Variants in GRID1 observed in about 807,000 individuals in gnomAD.
GRID1 encodes the protein glutamate ionotropic receptor delta type subunit 1, also known as glutamate receptor ionotropic, delta-1.
GRID1 carries 28 observed loss-of-function variants against 98.0 expected under a neutral mutation model. That is an observed-to-expected ratio of 0.29 (90% CI 0.21 to 0.39). The LOEUF is 0.39. GRID1 is among the 10% of genes least tolerant of loss of function. GRID1 has a pLI of 1.00. For synonymous variants in GRID1, 553 were observed against 538.5 expected (o/e 1.03, Z -0.37); for missense variants, 1,111 against 1,340.5 (o/e 0.83, Z 2.67).
At chr10:86,037,049 G>T (rs1380199316) in intron 4 of GRID1, among the ~76,000 whole-genome samples, 1 of 152,184 alleles carries the variant, frequency 6.6e-6, no homozygotes, top group Non-Finnish European at 1.5e-5. Context: ...TGTTATTCAA[G>T]GTACTTATGC....
intron 12 of GRID1, among the ~76,000 whole-genome samples, chr10:85,694,589 T>TATATATATATATAG (rs1564562152): frequency 2.3e-5 from 2 of 87,162 alleles, no homozygotes; most frequent in African/African-American, 1.2e-4. Context: ...TATATATATA[T>TATATATATATATAG]ATATATATAT....
intron 10 of GRID1, 72 bp from the exon 11 acceptor site, chr10:85,724,748 C>A: frequency 4.8e-6 from 6 of 1,252,012 alleles, no homozygotes; most frequent in South Asian, 1.4e-5. Context: ...GGGTCAAGGT[C>A]CACCCTCTGT....
chr10:86,141,232 C>T (rs958028209), intron 3 of GRID1, among the ~76,000 whole-genome samples: 1 of 152,164 alleles, frequency 6.6e-6, no homozygotes, highest in South Asian at 2.1e-4. Context: ...CACACAAGCC[C>T]CAGGCTGTCA....
chr10:86,278,886 A>G (rs1041836305), intron 2 of GRID1, among the ~76,000 whole-genome samples: 5 of 152,238 alleles, frequency 3.3e-5, no homozygotes, highest in African/African-American at 1.2e-4. Context: ...TCTCCAGAAA[A>G]CTGTAAAGGA....
intron 4 of GRID1, among the ~76,000 whole-genome samples, chr10:85,929,821 A>G (rs1489301492): frequency 1.3e-5 from 2 of 152,148 alleles, no homozygotes; most frequent in African/African-American, 4.8e-5. Context: ...TTACTTCCAT[A>G]TTTCTTAATC....
At chr10:86,114,880 A>G (rs1014799126) in intron 4 of GRID1, among the ~76,000 whole-genome samples, 6 of 152,196 alleles carry the variant, frequency 3.9e-5, no homozygotes, top group African/African-American at 1.4e-4. Flanking sequence ...CTGCATTTCC[A>G]TCACCCAGTA....
intron 4 of GRID1, among the ~76,000 whole-genome samples, chr10:85,972,243 G>A (rs889669797): frequency 1.3e-4 from 19 of 150,590 alleles, no homozygotes; most frequent in Admixed American, 3.3e-4. Context: ...TTTTTCCCCC[G>A]GTACAGCTAG....
chr10:85,895,001 C>CAA (rs60119755), intron 5 of GRID1, among the ~76,000 whole-genome samples: 113 of 103,900 alleles, frequency 1.1e-3, no homozygotes, highest in African/African-American at 3.2e-3. Context: ...CTGGGACTCT[C>CAA]AAAAAAAAAA....
intron 4 of GRID1, among the ~76,000 whole-genome samples, chr10:86,067,173 G>T (rs552601983): frequency 1.3e-5 from 2 of 152,200 alleles, no homozygotes; most frequent in Admixed American, 6.5e-5. Flanking sequence ...ACACTGAGCC[G>T]TCCCAAGTAC....
chr10:85,840,719 G>T (rs561397126), intron 8 of GRID1, among the ~76,000 whole-genome samples: 9 of 152,158 alleles, frequency 5.9e-5, no homozygotes, highest in African/African-American at 2.2e-4. Flanking sequence ...GCACAATCAA[G>T]AACATACTCC....
intron 4 of GRID1, among the ~76,000 whole-genome samples, chr10:85,921,890 T>C (rs1412392768): frequency 6.6e-6 from 1 of 152,172 alleles, no homozygotes; most frequent in Admixed American, 6.5e-5. Context: ...CCCAAGATAC[T>C]TCAATACAAC....
intron 2 of GRID1, among the ~76,000 whole-genome samples, chr10:86,231,089 C>T (rs1846444917): frequency 6.6e-6 from 1 of 152,206 alleles, no homozygotes; most frequent in South Asian, 2.1e-4. Flanking sequence ...GTGGTGGTGG[C>T]CAGGGACGGA....
chr10:85,848,808 T>C (rs1174969845), intron 8 of GRID1, among the ~76,000 whole-genome samples: 4 of 152,220 alleles, frequency 2.6e-5, no homozygotes, highest in Non-Finnish European at 5.9e-5. Flanking sequence ...GAAGCAGCAG[T>C]GTTTGTTTCA....
At chr10:85,662,767 G>T (rs1165144040) in intron 12 of GRID1, among the ~76,000 whole-genome samples, 7 of 152,186 alleles carry the variant, frequency 4.6e-5, no homozygotes, top group African/African-American at 1.7e-4. Context: ...GCCATGAAAA[G>T]GTTCTCTGTG....
chr10:86,187,359 T>C (rs1845739794), intron 3 of GRID1, among the ~76,000 whole-genome samples: 1 of 152,196 alleles, frequency 6.6e-6, no homozygotes, highest in African/African-American at 2.4e-5. Context: ...ACAGGCAACC[T>C]GAGACATGGA....
At chr10:85,713,054 T>G (rs1275461572) in intron 12 of GRID1, among the ~76,000 whole-genome samples, 1 of 150,910 alleles carries the variant, frequency 6.6e-6, no homozygotes, top group Non-Finnish European at 1.5e-5. Flanking sequence ...AAGAGGAAAA[T>G]AATAAAGATC....
chr10:86,260,515 CAGGAGCTCCCGGTCCTCAT>C (rs1026566149), intron 2 of GRID1, among the ~76,000 whole-genome samples: 16 of 152,196 alleles, frequency 1.1e-4, no homozygotes, highest in African/African-American at 3.6e-4. Context: ...ATGGGACCTT[CAGGAGCTCCCGGTCCTCAT>C]AGGGATGCAG....
At chr10:85,672,901 A>G (rs1016593044) in intron 12 of GRID1, among the ~76,000 whole-genome samples, 7 of 152,210 alleles carry the variant, frequency 4.6e-5, no homozygotes, top group Admixed American at 4.6e-4. Context: ...TACACTTCAT[A>G]AGGCTGTAGC....
chr10:85,712,924 C>T (rs2132638269), intron 12 of GRID1, among the ~76,000 whole-genome samples: 1 of 151,720 alleles, frequency 6.6e-6, no homozygotes, highest in African/African-American at 2.4e-5. Flanking sequence ...GCAAGAGCCC[C>T]TCTAAGAAGG....
Sources: gnomAD v4.1 joint callset for allele counts (sites outside exome capture counted in the v4.1 genomes callset) on GRCh38, gnomAD v4.1.1 for gene constraint, MANE v1.5 for transcripts, NCBI Gene and HGNC (gene_info 2026-07-23, HGNC 2026-07-21) for gene names.